LIMCH1: variants seen among roughly 807,000 people sequenced by gnomAD.
LIMCH1 encodes the protein LIM and calponin homology domains-containing protein 1.
Under a neutral mutation model 176.5 loss-of-function variants are expected in LIMCH1, and 113 were observed. That is an observed-to-expected ratio of 0.64 (90% CI 0.55 to 0.75). The LOEUF is 0.75. Ranked by LOEUF, LIMCH1 falls within the 30% of genes least tolerant of loss-of-function variation. The probability of loss-of-function intolerance (pLI) is 0.00; values close to 1 mark genes in which losing one functional copy is unlikely to be tolerated. For synonymous variants in LIMCH1, 619 were observed against 645.9 expected, an observed-to-expected ratio of 0.96 and a Z score of 0.63; for missense variants, 1,674 against 1,814.9, an observed-to-expected ratio of 0.92 and a Z score of 1.41.
At chr4:41,364,377 G>GT (rs5857792) in intron 1 of LIMCH1, among the ~76,000 whole-genome samples, 3 of 151,642 alleles carry the variant, frequency 2.0e-5, no homozygotes, top group Admixed American at 1.3e-4. Context: ...TATTGCTATT[G>GT]TTTTTTTCTG....
At chr4:41,437,063 T>C (rs1333184724) in intron 1 of LIMCH1, among the ~76,000 whole-genome samples, 1 of 152,218 alleles carries the variant, frequency 6.6e-6, no homozygotes, top group Non-Finnish European at 1.5e-5. Context: ...ACTGTAGCTG[T>C]GTGCATGCTT....
chr4:41,578,900 A>C (rs1237642304), intron 1 of LIMCH1, among the ~76,000 whole-genome samples: 1 of 152,066 alleles, frequency 6.6e-6, no homozygotes, highest in Non-Finnish European at 1.5e-5. Flanking sequence ...ACAGGGTCTC[A>C]CTATGTTTTC....
chr4:41,519,911 T>C (rs2075950166), intron 2 of LIMCH1, among the ~76,000 whole-genome samples: 1 of 152,158 alleles, frequency 6.6e-6, no homozygotes, highest in Admixed American at 6.5e-5. Context: ...ATGTATAGGA[T>C]TCAACTTTAA....
chr4:41,371,066 T>C (rs1037704550), intron 1 of LIMCH1, among the ~76,000 whole-genome samples: 2 of 152,162 alleles, frequency 1.3e-5, no homozygotes, highest in African/African-American at 2.4e-5. Context: ...TATTTACTTA[T>C]TGGAAAAAGT....
intron 1 of LIMCH1, among the ~76,000 whole-genome samples, chr4:41,429,156 T>G (rs554269340): frequency 6.6e-6 from 1 of 152,166 alleles, no homozygotes; most frequent in African/African-American, 2.4e-5. Flanking sequence ...GATAGCAGAT[T>G]TTTGATATTA....
intron 6 of LIMCH1, 62 bp downstream of exon 6, chr4:41,619,502 C>G: frequency 6.3e-7 from 1 of 1,587,976 alleles, no homozygotes; most frequent in Admixed American, 1.7e-5. Context: ...GGAACTGCAG[C>G]TCCTGGACAG....
At chr4:41,421,160 G>A (rs1433484620) in intron 1 of LIMCH1, among the ~76,000 whole-genome samples, 2 of 152,204 alleles carry the variant, frequency 1.3e-5, no homozygotes, top group Non-Finnish European at 2.9e-5. Flanking sequence ...ACCACTAGCA[G>A]TGAGATCCTG....
At chr4:41,454,798 G>C (rs1042766245) in intron 1 of LIMCH1, among the ~76,000 whole-genome samples, 3 of 152,188 alleles carry the variant, frequency 2.0e-5, no homozygotes, top group African/African-American at 7.2e-5. Flanking sequence ...ATGCATGGTA[G>C]GTATGGTTTA....
intron 1 of LIMCH1, among the ~76,000 whole-genome samples, chr4:41,393,409 G>C (rs1429095166): frequency 2.6e-5 from 4 of 152,224 alleles, no homozygotes; most frequent in Non-Finnish European, 5.9e-5. Flanking sequence ...GTGTGCATTA[G>C]TAGAGCATGG....
chr4:41,633,176 T>G, intron 12 of LIMCH1, 91 bp downstream of exon 12: 1 of 879,856 alleles, frequency 1.1e-6, no homozygotes, highest in Non-Finnish European at 1.8e-6. Context: ...AAAGTCACAG[T>G]CTGCACCTGG....
intron 18 of LIMCH1, among the ~76,000 whole-genome samples, chr4:41,657,782 G>T: frequency 6.6e-6 from 1 of 152,060 alleles, no homozygotes; most frequent in East Asian, 1.9e-4. Context: ...GTATCTGGCC[G>T]CTAATTCCTC....
At chr4:41,472,110 C>T (rs977194222) in intron 1 of LIMCH1, among the ~76,000 whole-genome samples, 1 of 152,220 alleles carries the variant, frequency 6.6e-6, no homozygotes, top group South Asian at 2.1e-4. Flanking sequence ...TGTAAGTCCA[C>T]GTTTTCTTTC....
rs528319312 is a variant in LIMCH1, at chr4:41,414,475, C to G, written c.96+53539C>G. Among the ~76,000 whole-genome samples, 12 of 152,340 alleles carry G rather than the reference C, an allele frequency of 7.9e-5. No individual in the cohort carries two copies. In the South Asian group the frequency reaches 2.5e-3, roughly 32 times the overall value. Reference sequence around the variant, plus strand: ...TGATCCTTACCGTAGTGATTAGAGTCAGATGTTTAGACACGCTAGACTAAT... The same window carrying G: ...TGATCCTTACCGTAGTGATTAGAGTGAGATGTTTAGACACGCTAGACTAAT... On this transcript the variant is annotated intron_variant, in intron 1 of 26. Transcript: ENST00000313860.
intron 1 of LIMCH1, among the ~76,000 whole-genome samples, chr4:41,569,236 A>C (rs557872499): frequency 2.0e-4 from 31 of 152,320 alleles, no homozygotes; most frequent in Middle Eastern, 3.4e-3. Flanking sequence ...TCAATTGAAG[A>C]CTTCGGTCTG....
chr4:41,529,731 A>G (rs2077053458), intron 3 of LIMCH1, among the ~76,000 whole-genome samples: 2 of 147,776 alleles, frequency 1.4e-5, no homozygotes, highest in Admixed American at 1.3e-4. Context: ...GAGGAAGGCA[A>G]AAACTCATTT....
At chr4:41,595,098 G>A (rs539964327) in intron 1 of LIMCH1, among the ~76,000 whole-genome samples, 1 of 152,308 alleles carries the variant, frequency 6.6e-6, no homozygotes, top group African/African-American at 2.4e-5. Flanking sequence ...GTTCCTGAAT[G>A]GTAGAATTGT....
intron 3 of LIMCH1, among the ~76,000 whole-genome samples, chr4:41,604,630 C>A (rs988368785): frequency 4.6e-5 from 7 of 152,050 alleles, no homozygotes; most frequent in African/African-American, 1.7e-4. Flanking sequence ...AATCAGAAAA[C>A]CTTTAACCTA....
At chr4:41,608,234 G>A (rs1305562638) in intron 4 of LIMCH1, among the ~76,000 whole-genome samples, 1 of 152,182 alleles carries the variant, frequency 6.6e-6, no homozygotes, top group East Asian at 1.9e-4. Flanking sequence ...CAAGAAAAGG[G>A]AGGAATGGCG....
intron 1 of LIMCH1, among the ~76,000 whole-genome samples, chr4:41,566,172 T>G (rs1286841195): frequency 1.3e-5 from 2 of 152,084 alleles, no homozygotes; most frequent in East Asian, 3.9e-4. Flanking sequence ...ATTGAGCCCC[T>G]CCACATCATC....
Sources: gnomAD v4.1 joint callset for allele counts (sites outside exome capture counted in the v4.1 genomes callset) on GRCh38, gnomAD v4.1.1 for gene constraint, MANE v1.5 for transcripts, NCBI Gene and HGNC (gene_info 2026-07-23, HGNC 2026-07-21) for gene names.